Variants in ATRNL1 observed in about 807,000 individuals in gnomAD.
ATRNL1 encodes the protein attractin-like protein 1.
In ATRNL1, 95 loss-of-function variants were observed where a neutral mutation model predicts 182.7. That is an observed-to-expected ratio of 0.52 (90% CI 0.44 to 0.62). The LOEUF (loss-of-function observed/expected upper bound fraction) is 0.62, where lower values mean the gene tolerates loss of function less well. ATRNL1 is among the 20% of genes least tolerant of loss of function. The pLI is 0.00. For synonymous variants in ATRNL1, 576 were observed against 568.3 expected (o/e 1.01, Z -0.19); for missense variants, 1,471 against 1,679.5 (o/e 0.88, Z 2.17).
intron 27 of ATRNL1, among the ~76,000 whole-genome samples, chr10:115,813,233 T>C (rs890352887): frequency 1.3e-5 from 2 of 152,048 alleles, no homozygotes; most frequent in Non-Finnish European, 2.9e-5. Flanking sequence ...TAAAGTATAA[T>C]AATAATTAAA....
intron 27 of ATRNL1, among the ~76,000 whole-genome samples, chr10:115,821,031 C>A (rs1210567055): frequency 6.6e-6 from 1 of 152,036 alleles, no homozygotes; most frequent in Non-Finnish European, 1.5e-5. Flanking sequence ...CTTTCTCAAG[C>A]CTGCTGCCAT....
intron 14 of ATRNL1, among the ~76,000 whole-genome samples, chr10:115,282,319 A>G (rs570337768): frequency 6.6e-6 from 1 of 150,762 alleles, no homozygotes; most frequent in Admixed American, 6.6e-5. Context: ...CAGGTTAGTT[A>G]CATATGTATA....
intron 25 of ATRNL1, among the ~76,000 whole-genome samples, chr10:115,546,315 A>T (rs1311119323): frequency 6.6e-5 from 10 of 152,070 alleles, no homozygotes; most frequent in Non-Finnish European, 1.5e-5. Context: ...CTGTAATCCC[A>T]GCACTTTGGG....
chr10:115,760,503 A>G (rs1948708377), intron 27 of ATRNL1, among the ~76,000 whole-genome samples: 1 of 152,180 alleles, frequency 6.6e-6, no homozygotes, highest in South Asian at 2.1e-4. Flanking sequence ...CAGTTTAATT[A>G]TATGACTTAG....
chr10:115,918,410 C>T (rs916069099), intron 28 of ATRNL1, among the ~76,000 whole-genome samples: 8 of 152,180 alleles, frequency 5.3e-5, no homozygotes, highest in African/African-American at 1.2e-4. Context: ...GCCTTTTTAG[C>T]GTCTTTTCTT....
intron 24 of ATRNL1, among the ~76,000 whole-genome samples, chr10:115,509,543 C>G (rs782723439): frequency 1.3e-5 from 2 of 151,988 alleles, no homozygotes; most frequent in Non-Finnish European, 2.9e-5. Flanking sequence ...CTCTCTCATT[C>G]CTGCTCCTGT....
intron 26 of ATRNL1, among the ~76,000 whole-genome samples, chr10:115,621,166 C>T (rs1283719220): frequency 6.7e-6 from 1 of 149,636 alleles, no homozygotes; most frequent in Non-Finnish European, 1.5e-5. Flanking sequence ...AGAAGAAAAA[C>T]AATACATAGA....
chr10:115,381,681 G>T (rs1235801995), intron 19 of ATRNL1, among the ~76,000 whole-genome samples: 1 of 151,280 alleles, frequency 6.6e-6, no homozygotes, highest in East Asian at 1.9e-4. Context: ...TTTTTTGATG[G>T]TATCATTTGT....
At chr10:115,105,763 G>A (rs531479100) in intron 1 of ATRNL1, among the ~76,000 whole-genome samples, 84 of 152,288 alleles carry the variant, frequency 5.5e-4, no homozygotes, top group African/African-American at 1.2e-3. Flanking sequence ...TTGAGCCTGC[G>A]GGTGCACAGG....
At chr10:115,860,332 AT>A (rs1361600033) in intron 28 of ATRNL1, among the ~76,000 whole-genome samples, 2 of 152,204 alleles carry the variant, frequency 1.3e-5, no homozygotes, top group African/African-American at 4.8e-5. Context: ...CATCAAATCA[AT>A]AACATGACTG....
intron 27 of ATRNL1, among the ~76,000 whole-genome samples, chr10:115,793,653 A>G (rs1409080082): frequency 6.6e-6 from 1 of 152,122 alleles, no homozygotes; most frequent in East Asian, 1.9e-4. Flanking sequence ...CTGTAATACC[A>G]ATTAGTTGGC....
intron 26 of ATRNL1, among the ~76,000 whole-genome samples, chr10:115,662,113 AT>A (rs1205633374): frequency 2.0e-5 from 3 of 151,736 alleles, no homozygotes; most frequent in African/African-American, 7.3e-5. Flanking sequence ...TGAACTCATC[AT>A]TTTTTATGGC....
chr10:115,327,894 A>G, intron 18 of ATRNL1, among the ~76,000 whole-genome samples: 1 of 151,332 alleles, frequency 6.6e-6, no homozygotes. Flanking sequence ...ATGAGAACAC[A>G]TGGACACAGG....
At chr10:115,624,134 C>A (rs1857946054) in intron 26 of ATRNL1, among the ~76,000 whole-genome samples, 1 of 151,918 alleles carries the variant, frequency 6.6e-6, no homozygotes, top group Admixed American at 6.6e-5. Flanking sequence ...GAAGAAGGAG[C>A]TAACAAAGGC....
chr10:115,906,136 TACA>T (rs1335918162), intron 28 of ATRNL1, among the ~76,000 whole-genome samples: 2 of 152,224 alleles, frequency 1.3e-5, no homozygotes, highest in African/African-American at 4.8e-5. Flanking sequence ...TGATTGACTT[TACA>T]ACAAGTAAAT....
intron 24 of ATRNL1, among the ~76,000 whole-genome samples, chr10:115,496,396 G>A (rs1849551867): frequency 6.6e-6 from 1 of 152,050 alleles, no homozygotes; most frequent in African/African-American, 2.4e-5. Flanking sequence ...TCCGTTATTT[G>A]CTTGTGTGAA....
At chr10:115,156,073 A>G (rs1304497215) in intron 5 of ATRNL1, among the ~76,000 whole-genome samples, 1 of 152,094 alleles carries the variant, frequency 6.6e-6, no homozygotes, top group Non-Finnish European at 1.5e-5. Flanking sequence ...CTAGTTATCT[A>G]TTGTAGGGAG....
intron 20 of ATRNL1, among the ~76,000 whole-genome samples, chr10:115,396,466 A>G (rs984610829): frequency 2.6e-5 from 4 of 151,972 alleles, no homozygotes; most frequent in Admixed American, 2.0e-4. Flanking sequence ...GAAATTCTTA[A>G]TAACTTTTAA....
At chr10:115,823,101 T>C (rs1391773129) in intron 27 of ATRNL1, among the ~76,000 whole-genome samples, 2 of 152,180 alleles carry the variant, frequency 1.3e-5, no homozygotes, top group Non-Finnish European at 2.9e-5. Context: ...GTCAGCTTTA[T>C]CCCTGGGCTG....
Sources: gnomAD v4.1 joint callset for allele counts (sites outside exome capture counted in the v4.1 genomes callset) on GRCh38, gnomAD v4.1.1 for gene constraint, MANE v1.5 for transcripts, NCBI Gene and HGNC (gene_info 2026-07-23, HGNC 2026-07-21) for gene names.